The following YIPF6 variants were observed in gnomAD, a reference collection of about 807,000 sequenced individuals.
YIPF6 encodes protein YIPF6.
A neutral mutation model predicts 16.8 loss-of-function variants in YIPF6; 3 were observed. The ratio of observed to expected loss-of-function variants is 0.18; its 90% CI spans 0.08 to 0.46. YIPF6 has a LOEUF of 0.46. YIPF6 is among the 20% of genes least tolerant of loss of function. The pLI is 0.98. For synonymous variants in YIPF6, 67 were observed against 61.9 expected (o/e 1.08, Z -0.38); for missense variants, 145 against 184.9 (o/e 0.78, Z 1.25).
Position 68,533,972 on chromosome X carries a change from G to C in YIPF6, c.*1973G>C, listed in dbSNP as rs1472399021. ...TGAATTTTACTCAGGCTAATTGTTTGGTCAGAAATTCCTAAGGCCACAGCT... is the reference window on the plus strand; with the variant it reads ...TGAATTTTACTCAGGCTAATTGTTTCGTCAGAAATTCCTAAGGCCACAGCT... On this transcript the variant is annotated 3_prime_UTR_variant, in exon 7 of 7. Transcript: ENST00000462683. 1 of 112,158 alleles carries C rather than the reference G, an allele frequency of 8.9e-6. No individual in the cohort carries two copies. Among genetic ancestry groups the C allele is most frequent in the Non-Finnish European group, 1.9e-5 (1 of 53,190 alleles). The allele number at this position is 112,158 out of a possible 1,213,427, so 9.2% of individuals were successfully genotyped here. A position where few individuals can be genotyped will look rare whatever the true frequency, so the allele number is the denominator to read the frequency against.
At chrX:68,524,233 A>G (rs1361775368) in intron 6 of YIPF6, among the ~76,000 whole-genome samples, 3 of 110,947 alleles carry the variant, frequency 2.7e-5, no homozygotes, top group Admixed American at 9.6e-5. Context: ...CAGTGGCACT[A>G]TCTCGGCTCA....
In YIPF6 at chrX:68,534,279, T is replaced by TC. The variant is rs2079182988; in HGVS notation, c.*2281dup. On this transcript the variant is annotated 3_prime_UTR_variant, in exon 7 of 7. Coordinates refer to ENST00000462683, the MANE Select transcript of YIPF6 (RefSeq NM_173834.4). ...AAAGACATTGTTCTATTTATAGCAT[T>TC]CTTTTTTTTTTTTAGTAGCGGTATT... The TC allele has an allele frequency of 8.9e-6, 1 of 111,764 alleles. No individual in the cohort carries two copies. Among genetic ancestry groups the TC allele is most frequent in the South Asian group, 3.7e-4 (1 of 2,681 alleles). 9.2% of individuals were successfully genotyped at this position (111,764 alleles called of 1,213,427 possible).
chrX:68,531,350 C>T (rs1247741115), intron 6 of YIPF6, among the ~76,000 whole-genome samples: 2 of 111,595 alleles, frequency 1.8e-5, no homozygotes, highest in Admixed American at 1.9e-4. Context: ...GTCTCGAACT[C>T]CTGACCTCTG....
intron 1 of YIPF6, among the ~76,000 whole-genome samples, chrX:68,505,150 C>T (rs1375495710): frequency 8.9e-6 from 1 of 111,966 alleles, no homozygotes; most frequent in African/African-American, 3.2e-5. Flanking sequence ...TGCCTCACGC[C>T]TGTAATCCCA....
At chrX:68,529,199 C>G (rs2079161439) in intron 6 of YIPF6, among the ~76,000 whole-genome samples, 1 of 109,942 alleles carries the variant, frequency 9.1e-6, no homozygotes, top group Non-Finnish European at 1.9e-5. Context: ...TTTCTCTAAT[C>G]TTGTCTTCCT....
chrX:68,505,358 C>T (rs1004641295), intron 1 of YIPF6, among the ~76,000 whole-genome samples: 5 of 104,194 alleles, frequency 4.8e-5, no homozygotes, highest in East Asian at 3.1e-4. Context: ...TGCAGTGAGC[C>T]GAGATCACGC....
Position 68,511,921 on chromosome X carries a change from T to G in YIPF6, c.130T>G (p.Ser44Ala), listed in dbSNP as rs2079082413. Residue 44 changes from serine to alanine, a missense_variant, in exon 2 of 7, where the codon TCT becomes GCT. By Grantham distance (99) the Ser-to-Ala change is moderately conservative (BLOSUM62 1). Transcript: ENST00000462683. Reference sequence around the variant, plus strand: ...AGGAGAAATCACCATTCCTATGAGATCTCGCATCCGGGAGTTTGACAGCTC... The same window carrying G: ...AGGAGAAATCACCATTCCTATGAGAGCTCGCATCCGGGAGTTTGACAGCTC... ...VEGEITIPMR[S>A]RIREFDSSTL... 9.1e-6 allele frequency: 11 copies of G among 1,210,707 alleles called. No individual in the cohort carries two copies. The African/African-American group carries it at 1.0e-4, about 11-fold the overall frequency.
intron 2 of YIPF6, among the ~76,000 whole-genome samples, chrX:68,512,792 T>C (rs181601231): frequency 8.6e-4 from 95 of 110,900 alleles, no homozygotes; most frequent in Non-Finnish European, 1.6e-3. Flanking sequence ...CTTTGAGAGG[T>C]TGTATTTGTA....
At chrX:68,500,300 C>T (rs2079036127) in intron 1 of YIPF6, among the ~76,000 whole-genome samples, 1 of 110,859 alleles carries the variant, frequency 9.0e-6, no homozygotes, top group Admixed American at 9.6e-5. Flanking sequence ...AATGGTTCTT[C>T]CCTTTCCTCT....
intron 1 of YIPF6, among the ~76,000 whole-genome samples, chrX:68,505,313 G>T (rs1160474545): frequency 9.0e-6 from 1 of 111,349 alleles, no homozygotes; most frequent in Admixed American, 9.6e-5. Flanking sequence ...GGGGGGCTGA[G>T]ACAGGAGACT....
intron 1 of YIPF6, among the ~76,000 whole-genome samples, chrX:68,502,531 A>G (rs929540220): frequency 1.8e-5 from 2 of 111,287 alleles, no homozygotes; most frequent in African/African-American, 6.5e-5. Context: ...CCAAGAGTAT[A>G]GTGACACTCT....
Position 68,532,091 on chromosome X carries a change from T to A in YIPF6, c.*92T>A, listed in dbSNP as rs1602473351. 1 of 702,897 alleles carries A rather than the reference T, an allele frequency of 1.4e-6. No homozygotes were observed. Among genetic ancestry groups the A allele is most frequent in the Non-Finnish European group, 2.1e-6 (1 of 470,329 alleles). 57.9% of individuals were successfully genotyped at this position (702,897 alleles called of 1,213,427 possible). ...GCTTTGTCTCTGGCCCTTATTTGTC[T>A]AATTTTGGAGGTATTTGATAACTGA... On this transcript the variant is annotated 3_prime_UTR_variant, in exon 7 of 7. Transcript: ENST00000462683.
In YIPF6 at chrX:68,530,782, C is replaced by G. The variant is rs532448011; in HGVS notation, c.593-1099C>G. 7.2e-5 allele frequency among the ~76,000 whole-genome samples: 8 copies of G among 111,255 alleles called. No individual in the cohort carries two copies. In the East Asian group the frequency reaches 8.6e-4, roughly 12 times the overall value. ...TTCCCCACCCTGCTTCAGCTCACCC[C>G]CCGTGGGCTGCACCCACTGTCTAAC... On this transcript the variant is annotated intron_variant, in intron 6 of 6. Coordinates refer to ENST00000462683, the MANE Select transcript of YIPF6 (RefSeq NM_173834.4).
At chrX:68,503,981 A>T (rs1171443818) in intron 1 of YIPF6, among the ~76,000 whole-genome samples, 2 of 112,167 alleles carry the variant, frequency 1.8e-5, no homozygotes, top group Non-Finnish European at 3.8e-5. Flanking sequence ...GGCCTCCCAA[A>T]TTGCTGGGAT....
chrX:68,505,613 A>G (rs2079056908), intron 1 of YIPF6, among the ~76,000 whole-genome samples: 3 of 112,178 alleles, frequency 2.7e-5, no homozygotes, highest in Admixed American at 1.9e-4. Context: ...GAAGGAGAGT[A>G]GTTTGAGAGA....
At chrX:68,507,198 T>G (rs1211402637) in intron 1 of YIPF6, among the ~76,000 whole-genome samples, 1 of 111,926 alleles carries the variant, frequency 8.9e-6, no homozygotes, top group Non-Finnish European at 1.9e-5. Flanking sequence ...AAATATTTAC[T>G]GTTTGACCCT....
intron 1 of YIPF6, among the ~76,000 whole-genome samples, chrX:68,506,881 C>T (rs1189769088): frequency 6.3e-5 from 7 of 111,520 alleles, no homozygotes; most frequent in Admixed American, 2.9e-4. Context: ...TCCCAACTAG[C>T]TGGAACTATA....
intron 1 of YIPF6, among the ~76,000 whole-genome samples, chrX:68,503,524 C>T (rs964563835): frequency 1.8e-4 from 20 of 111,865 alleles, no homozygotes; most frequent in African/African-American, 6.2e-4. Context: ...GCTGGAGGGC[C>T]ATAGTTCCTG....
intron 6 of YIPF6, among the ~76,000 whole-genome samples, chrX:68,525,721 A>G (rs767593410): frequency 2.2e-4 from 25 of 111,785 alleles, no homozygotes; most frequent in Non-Finnish European, 4.1e-4. Context: ...AGTTTTCCCA[A>G]CACCATTTAT....
Sources: allele counts gnomAD v4.1 joint callset (sites outside exome capture counted in the v4.1 genomes callset), GRCh38; gene constraint gnomAD v4.1.1; transcripts MANE v1.5; gene names NCBI Gene and HGNC (gene_info 2026-07-23, HGNC 2026-07-21).